PANK4: variants seen among roughly 807,000 people sequenced by gnomAD.
The protein encoded by PANK4 is 4'-phosphopantetheine phosphatase.
Under a neutral mutation model 87.9 loss-of-function variants are expected in PANK4, and 40 were observed. The ratio of observed to expected loss-of-function variants is 0.46; its 90% confidence interval spans 0.35 to 0.59. The LOEUF (loss-of-function observed/expected upper bound fraction) is 0.59. Among genes scored for constraint, PANK4 ranks in the 20% least tolerant of loss-of-function variants. PANK4 has a pLI of 0.00. For synonymous variants in PANK4, 524 were observed against 467.4 expected (o/e 1.12, Z -1.56); for missense variants, 926 against 1,072.3 (o/e 0.86, Z 1.90).
At chr1:2,523,314 CT>C (rs1195995573) in intron 1 of PANK4, among the ~76,000 whole-genome samples, 3 of 152,182 alleles carry the variant, frequency 2.0e-5, no homozygotes, top group Non-Finnish European at 4.4e-5. Context: ...ATCTGATCCC[CT>C]AGCCTGTGGC....
intron 12 of PANK4, 51 bp from the exon 13 acceptor site, chr1:2,513,090 A>C: frequency 6.5e-7 from 1 of 1,532,286 alleles, no homozygotes; most frequent in South Asian, 1.2e-5. Flanking sequence ...GCCTCAGCCC[A>C]CCCTGGACAC....
intron 1 of PANK4, among the ~76,000 whole-genome samples, chr1:2,525,326 G>C (rs1643911019): frequency 6.6e-6 from 1 of 152,110 alleles, no homozygotes; most frequent in African/African-American, 2.4e-5. Context: ...GCAAAGACAG[G>C]TTGGGCATCC....
Position 2,519,904 on chromosome 1 carries a change from C to G in PANK4, c.750G>C (p.Val250=). The change falls in exon 6 of 19, where the codon GTG becomes GTC. Residue 250 remains valine, a synonymous_variant. Coordinates refer to ENST00000378466, the MANE Select transcript of PANK4 (RefSeq NM_018216.4). The surrounding 1 kb of genome is among the most constrained non-coding windows in gnomAD (Gnocchi z 8.3). ...HLASRGQHSN[V]DMLVRDVYGG... is the part of the protein sequence containing the mutation. Reference sequence around the variant, plus strand: ...CGTAGACGTCCCGCACCAGCATGTCCACATTGCTGTGCTGGCCCCTCGAGG... The same window carrying G: ...CGTAGACGTCCCGCACCAGCATGTCGACATTGCTGTGCTGGCCCCTCGAGG... 1 of 1,567,936 alleles carries G rather than the reference C, an allele frequency of 6.4e-7. No homozygotes were observed. Among genetic ancestry groups the G allele is most frequent in the African/African-American group, 1.3e-5 (1 of 74,274 alleles).
At chr1:2,517,839 C>T (rs568125159) in intron 9 of PANK4, among the ~76,000 whole-genome samples, 2 of 152,362 alleles carry the variant, frequency 1.3e-5, no homozygotes, top group East Asian at 1.9e-4. Context: ...CCAAAGTGGA[C>T]GGGCCTTCTG....
At chr1:2,512,149 G>GC (rs1643672423) in intron 13 of PANK4, among the ~76,000 whole-genome samples, 1 of 152,114 alleles carries the variant, frequency 6.6e-6, no homozygotes, top group Non-Finnish European at 1.5e-5. Context: ...GGTGTGGGGA[G>GC]CCCCCAGCCA....
chr1:2,518,868 T>C (rs1202932578), intron 7 of PANK4, among the ~76,000 whole-genome samples: 1 of 152,220 alleles, frequency 6.6e-6, no homozygotes, highest in Non-Finnish European at 1.5e-5. Context: ...GGCGTGCCTC[T>C]GCGGGGGCAG....
chr1:2,512,630 C>T (rs962695345), intron 13 of PANK4: 4 of 468,334 alleles, frequency 8.5e-6, no homozygotes, highest in Non-Finnish European at 1.5e-5. Context: ...TTCAAATCCA[C>T]ACCCTTAGGC....
At chr1:2,511,570 A>G (rs749659271) in intron 14 of PANK4, 58 bp downstream of exon 14, 50 of 1,261,950 alleles carry the variant, frequency 4.0e-5, no homozygotes, top group Non-Finnish European at 5.7e-5. Flanking sequence ...TGTTGCAGAG[A>G]ACGTCCAGGC....
At chr1:2,511,303 C>T in intron 15 of PANK4, 35 bp downstream of exon 15, 12 of 1,526,452 alleles carry the variant, frequency 7.9e-6, no homozygotes, top group Non-Finnish European at 1.1e-5. Flanking sequence ...CCCGCTGTGT[C>T]CCCAGCAGCA....
In PANK4 at chr1:2,512,509, G is replaced by A. The variant is rs140130348; in HGVS notation, c.1727+379C>T. On this transcript the variant is annotated intron_variant, in intron 13 of 18. Coordinates refer to ENST00000378466, the MANE Select transcript of PANK4 (RefSeq NM_018216.4). The stretch of plus-strand genomic sequence containing the variant: ...CTGCGTGTCCTACAGGCCAGTCTAG[G>A]GGACTGCTTTGCAAAGCACCCTTTG... 5.3e-3 allele frequency: 1,103 copies of A among 209,360 alleles called. 14 individuals carry two copies. The highest frequency in any genetic ancestry group is 0.024 in the African/African-American group (1,018 of 43,266). The allele number at this position is 209,360 out of a possible 1,614,324, so 13.0% of individuals were successfully genotyped here.
Position 2,520,036 on chromosome 1 carries a change from G to C in PANK4, c.700-82C>G. 7.3e-7 allele frequency: 1 copy of C among 1,361,506 alleles called. No individual in the cohort carries two copies. Among genetic ancestry groups the C allele is most frequent in the Non-Finnish European group, 9.9e-7 (1 of 1,009,444 alleles). 84.3% of individuals were successfully genotyped at this position (1,361,506 alleles called of 1,614,324 possible). On this transcript the variant is annotated intron_variant, in intron 5 of 18. Coordinates refer to ENST00000378466, the MANE Select transcript of PANK4 (RefSeq NM_018216.4). The surrounding 1 kb of genome is among the most constrained non-coding windows in gnomAD (Gnocchi z 6.2). ...ACCCCAGAAACCAAGCCCATGGCAG[G>C]AGGCACGCGCGGGCAGGGGGTAAAT...
rs1381398990 is a variant in PANK4, at chr1:2,510,928, A to AG, written c.1834-147dup. ...AGATGCCAGGGATGGGCTGTCCTGC[A>AG]GGGGCCGAGACCAGGGGCTTCAGGG... On this transcript the variant is annotated intron_variant, in intron 15 of 18. Transcript: ENST00000378466. The surrounding 1 kb of genome is among the most constrained non-coding windows in gnomAD (Gnocchi z 4.9). 3.2e-6 allele frequency: 2 copies of AG among 622,090 alleles called. No individual in the cohort carries two copies. Among genetic ancestry groups the AG allele is most frequent in the Non-Finnish European group, 5.7e-6 (2 of 349,126 alleles). The allele number at this position is 622,090 out of a possible 1,614,324, so 38.5% of individuals were successfully genotyped here.
rs1232780144 is a variant in PANK4 at position 2,518,502 on chromosome 1, GCACCGCGACT to G, written c.1117+4_1117+13del. 6.4e-7 allele frequency: 1 copy of G among 1,552,802 alleles called. No individual in the cohort carries two copies. The highest frequency in any genetic ancestry group is 8.7e-7 in the Non-Finnish European group (1 of 1,146,710). On this transcript the variant is annotated splice_donor_5th_base_variant and intron_variant, in intron 8 of 18. Transcript: ENST00000378466. ...GGCCCCACGCTGCTCAGGGGCGCCA[GCACCGCGACT>G]CACTGTCCTGCTCAGCTCCTTTCAG...
Position 2,508,713 on chromosome 1 carries a change from C to A in PANK4, c.*134G>T. 1 of 629,472 alleles carries A rather than the reference C, an allele frequency of 1.6e-6. No individual in the cohort carries two copies. Among genetic ancestry groups the A allele is most frequent in the Non-Finnish European group, 2.9e-6 (1 of 348,770 alleles). 39.0% of individuals were successfully genotyped at this position (629,472 alleles called of 1,614,324 possible). A position where few individuals can be genotyped will look rare whatever the true frequency, so the allele number is the denominator to read the frequency against. ...CGTCTCGCCTCTGGGTCACACGCATCTGTGCGGCTGGGGTGTATGTGCCGC... is the reference window on the plus strand; with the variant it reads ...CGTCTCGCCTCTGGGTCACACGCATATGTGCGGCTGGGGTGTATGTGCCGC... On this transcript the variant is annotated 3_prime_UTR_variant, in exon 19 of 19. Transcript: ENST00000378466. This position sits in a 1 kb window ranked among gnomAD's most constrained non-coding sequence, Gnocchi z 5.1.
chr1:2,511,447 C>T (rs1323438277), intron 14 of PANK4, 60 bp from the exon 15 acceptor site: 29 of 1,329,564 alleles, frequency 2.2e-5, no homozygotes, highest in South Asian at 8.2e-5. Context: ...GTCAGGGAGA[C>T]GCGTCTTCAG....
rs914985523 is a variant in PANK4, at chr1:2,515,275, G to A, written c.1374+287C>T. On this transcript the variant is annotated intron_variant, in intron 10 of 18. Transcript: ENST00000378466. The surrounding 1 kb of genome is among the most constrained non-coding windows in gnomAD (Gnocchi z 5.0). ...AGTCACACCTCAAAAGAGCAGAGAC[G>A]TCTCCTAAATTGCTTTTTGAAGGAA... is the stretch of plus-strand genomic sequence containing the variant. 47 of 623,068 alleles carry A rather than the reference G, an allele frequency of 7.5e-5. No individual in the cohort carries two copies. The highest frequency in any genetic ancestry group is 5.0e-4 in the East Asian group (15 of 29,992). The allele number at this position is 623,068 out of a possible 1,614,324, so 38.6% of individuals were successfully genotyped here.
chr1:2,518,374 G>A, intron 8 of PANK4, 110 bp from the exon 9 acceptor site: 1 of 968,550 alleles, frequency 1.0e-6, no homozygotes, highest in African/African-American at 1.6e-5. Flanking sequence ...TTGTTAAAAT[G>A]TTAGACATGC....
chr1:2,509,745 G>A lies in PANK4; in HGVS notation c.2108+117C>T, dbSNP rs868226981. The A allele has an allele frequency of 6.9e-6, 6 of 869,644 alleles. No homozygotes were observed. Among genetic ancestry groups the A allele is most frequent in the South Asian group, 2.9e-5 (2 of 68,044 alleles). 53.9% of individuals were successfully genotyped at this position (869,644 alleles called of 1,614,324 possible). A position where few individuals can be genotyped will look rare whatever the true frequency, so the allele number is the denominator to read the frequency against. ...TGAGATCAATCCGGGCCTGGGGTCA[G>A]GAGAGGCCGCAGGGGCAGTCCTGAG... On this transcript the variant is annotated intron_variant, in intron 18 of 18. Transcript: ENST00000378466. The surrounding 1 kb of genome is among the most constrained non-coding windows in gnomAD (Gnocchi z 4.9).
intron 9 of PANK4, among the ~76,000 whole-genome samples, chr1:2,517,493 G>C (rs925746043): frequency 7.2e-5 from 11 of 152,248 alleles, no homozygotes; most frequent in African/African-American, 1.7e-4. Flanking sequence ...AGCCCCGCGG[G>C]GGGGCACGGT....
Sources: gnomAD v4.1 joint callset for allele counts (sites outside exome capture counted in the v4.1 genomes callset) on GRCh38, gnomAD v4.1.1 for gene constraint, Gnocchi (gnomAD v3.1) non-coding constraint, MANE v1.5 for transcripts, NCBI Gene and HGNC (gene_info 2026-07-23, HGNC 2026-07-21) for gene names.